The following WWOX variants were observed in gnomAD, a reference collection of about 807,000 sequenced individuals.
WWOX encodes the protein WW domain-containing oxidoreductase.
A neutral mutation model predicts 46.2 loss-of-function variants in WWOX; 69 were observed. That is an observed-to-expected ratio of 1.49 (90% CI 1.23 to 1.82). The LOEUF (loss-of-function observed/expected upper bound fraction) is 1.82. Among genes scored for constraint, WWOX ranks in the 40% most tolerant of loss-of-function variants. The pLI is 0.00. For synonymous variants in WWOX, 359 were observed against 202.6 expected (o/e 1.77, Z -6.56); for missense variants, 919 against 542.6 (o/e 1.69, Z -6.89).
At chr16:78,243,401 G>A (rs759870263) in intron 5 of WWOX, among the ~76,000 whole-genome samples, 1 of 151,754 alleles carries the variant, frequency 6.6e-6, no homozygotes, top group Non-Finnish European at 1.5e-5. Context: ...ACTCGTGCAG[G>A]GCTGTTAAAT....
intron 8 of WWOX, among the ~76,000 whole-genome samples, chr16:78,878,539 C>G (rs2044278176): frequency 6.6e-6 from 1 of 152,058 alleles, no homozygotes; most frequent in African/African-American, 2.4e-5. Context: ...CACATTGGCA[C>G]TTAATAAATG....
At chr16:78,846,030 A>G (rs1470977883) in intron 8 of WWOX, among the ~76,000 whole-genome samples, 1 of 152,242 alleles carries the variant, frequency 6.6e-6, no homozygotes. Flanking sequence ...GGCACTGCAC[A>G]GGATGGAAAG....
chr16:78,490,437 T>G (rs2084752400), intron 8 of WWOX, among the ~76,000 whole-genome samples: 1 of 152,212 alleles, frequency 6.6e-6, no homozygotes, highest in Non-Finnish European at 1.5e-5. Context: ...GTGCTCGTAA[T>G]TGGTGAAATT....
chr16:78,934,348 AAAAG>A (rs2045690113), intron 8 of WWOX, among the ~76,000 whole-genome samples: 1 of 148,236 alleles, frequency 6.7e-6, no homozygotes, highest in Non-Finnish European at 1.5e-5. Context: ...AAAAAAAAAA[AAAAG>A]AAGAAACTTA....
intron 8 of WWOX, among the ~76,000 whole-genome samples, chr16:78,511,790 G>A (rs540731018): frequency 4.6e-5 from 7 of 152,290 alleles, no homozygotes; most frequent in South Asian, 2.1e-4. Flanking sequence ...AGCTGGACTC[G>A]ATACTTCTGG....
chr16:78,410,714 G>C (rs1219735956), intron 6 of WWOX, among the ~76,000 whole-genome samples: 1 of 150,638 alleles, frequency 6.6e-6, no homozygotes, highest in Non-Finnish European at 1.5e-5. Flanking sequence ...GCTAAGGCTG[G>C]AGAACAGCTT....
intron 8 of WWOX, among the ~76,000 whole-genome samples, chr16:79,142,280 G>C (rs902939896): frequency 6.6e-6 from 1 of 152,120 alleles, no homozygotes; most frequent in Non-Finnish European, 1.5e-5. Flanking sequence ...GTGCCTCCAA[G>C]CATATAAAAC....
intron 8 of WWOX, among the ~76,000 whole-genome samples, chr16:78,934,010 A>G (rs2045680901): frequency 6.6e-6 from 1 of 152,060 alleles, no homozygotes; most frequent in African/African-American, 2.4e-5. Context: ...GAGGCAACAC[A>G]TAGAGACACC....
intron 8 of WWOX, among the ~76,000 whole-genome samples, chr16:78,995,457 C>T (rs77466848): frequency 1.3e-5 from 2 of 152,044 alleles, no homozygotes; most frequent in Non-Finnish European, 2.9e-5. Context: ...ATGGTTTCTT[C>T]ACAGTGCCGA....
chr16:78,133,709 A>G (rs574671091), intron 4 of WWOX, among the ~76,000 whole-genome samples: 230 of 152,314 alleles, frequency 1.5e-3, no homozygotes, highest in African/African-American at 5.4e-3. Flanking sequence ...AATAATTTCA[A>G]ATTAACCCCT....
At chr16:79,082,127 C>T (rs1325098155) in intron 8 of WWOX, among the ~76,000 whole-genome samples, 1 of 152,216 alleles carries the variant, frequency 6.6e-6, no homozygotes, top group African/African-American at 2.4e-5. Context: ...CCTCTTCACT[C>T]AGCACCAGCT....
intron 8 of WWOX, among the ~76,000 whole-genome samples, chr16:78,819,308 C>G (rs1024570131): frequency 6.6e-6 from 1 of 152,126 alleles, no homozygotes; most frequent in African/African-American, 2.4e-5. Context: ...GGCTTACACA[C>G]CGGACCAAAT....
chr16:79,202,088 C>G (rs2150831920), intron 8 of WWOX, among the ~76,000 whole-genome samples: 1 of 152,254 alleles, frequency 6.6e-6, no homozygotes, highest in African/African-American at 2.4e-5. Flanking sequence ...TATTGGAATA[C>G]AGACACGTTC....
chr16:78,928,639 A>C (rs1486367632), intron 8 of WWOX, among the ~76,000 whole-genome samples: 1 of 151,396 alleles, frequency 6.6e-6, no homozygotes. Context: ...AGAAATTCTG[A>C]GAAGGGGTTT....
chr16:79,081,741 A>G (rs1315533385), intron 8 of WWOX, among the ~76,000 whole-genome samples: 1 of 152,092 alleles, frequency 6.6e-6, no homozygotes, highest in Non-Finnish European at 1.5e-5. Context: ...AGTGTGAACC[A>G]TGGCTTGCGG....
intron 7 of WWOX, among the ~76,000 whole-genome samples, chr16:78,427,317 A>C (rs565273382): frequency 9.2e-5 from 14 of 152,316 alleles, no homozygotes; most frequent in African/African-American, 3.1e-4. Flanking sequence ...TGTTTTAGTT[A>C]CTTATCTGGA....
chr16:78,487,065 G>T (rs2084656159), intron 8 of WWOX, among the ~76,000 whole-genome samples: 1 of 152,156 alleles, frequency 6.6e-6, no homozygotes, highest in South Asian at 2.1e-4. Flanking sequence ...AGATGATTCT[G>T]TTGTAGTGAT....
At chr16:78,166,572 T>G (rs2034982040) in intron 5 of WWOX, 2 of 152,010 alleles carry the variant, frequency 1.3e-5, no homozygotes, top group African/African-American at 4.8e-5. Context: ...TTTTTATTTT[T>G]TTTTTGAGAC....
intron 8 of WWOX, among the ~76,000 whole-genome samples, chr16:78,867,475 T>C (rs2151198833): frequency 6.8e-6 from 1 of 147,838 alleles, no homozygotes; most frequent in Non-Finnish European, 1.5e-5. Flanking sequence ...TCAGAGAAGT[T>C]AAATGATTTT....
Sources: allele counts gnomAD v4.1 joint callset (sites outside exome capture counted in the v4.1 genomes callset), GRCh38; gene constraint gnomAD v4.1.1; transcripts MANE v1.5; gene names NCBI Gene and HGNC (gene_info 2026-07-23, HGNC 2026-07-21).